The following CSMD1 variants were observed in gnomAD, a reference collection of about 807,000 sequenced individuals.
The protein encoded by CSMD1 is CUB and sushi domain-containing protein 1.
In CSMD1, 213 loss-of-function variants were observed where a neutral mutation model predicts 417.5. The ratio of observed to expected loss-of-function variants is 0.51; its 90% CI spans 0.46 to 0.57. The LOEUF (loss-of-function observed/expected upper bound fraction) is 0.57, where lower values mean the gene tolerates loss of function less well. Among genes scored for constraint, CSMD1 ranks in the 20% least tolerant of loss-of-function variants. The probability of loss-of-function intolerance (pLI) is 0.00; values close to 1 mark genes in which losing one functional copy is unlikely to be tolerated. For synonymous variants in CSMD1, 2,862 were observed against 1,736.8 expected (o/e 1.65, Z -16.11); for missense variants, 6,923 against 4,529.7 (o/e 1.53, Z -15.17).
intron 5 of CSMD1, among the ~76,000 whole-genome samples, chr8:3,755,880 G>C (rs540616211): frequency 2.0e-5 from 3 of 152,012 alleles, no homozygotes; most frequent in Admixed American, 2.0e-4. Flanking sequence ...GCTGGTGACA[G>C]CTGGACACAG....
At chr8:4,584,056 C>G (rs113819318) in intron 2 of CSMD1, among the ~76,000 whole-genome samples, 8,844 of 151,952 alleles carry the variant, frequency 0.058, 299 homozygotes, top group East Asian at 0.1. Flanking sequence ...CTACGAAGGT[C>G]TGCAGTTTCA....
chr8:3,200,531 G>A (rs929427087), intron 32 of CSMD1, among the ~76,000 whole-genome samples: 4 of 151,000 alleles, frequency 2.6e-5, no homozygotes, highest in Admixed American at 6.6e-5. Context: ...CTCTAGCCTG[G>A]GCAAGAGAGT....
intron 37 of CSMD1, among the ~76,000 whole-genome samples, chr8:3,164,120 A>G (rs915402892): frequency 2.6e-5 from 4 of 152,144 alleles, no homozygotes; most frequent in African/African-American, 7.2e-5. Flanking sequence ...AAATGGAGAG[A>G]GAGAAGTGTC....
At chr8:4,701,435 G>C (rs1479616439) in intron 1 of CSMD1, among the ~76,000 whole-genome samples, 3 of 151,786 alleles carry the variant, frequency 2.0e-5, no homozygotes, top group South Asian at 2.1e-4. Flanking sequence ...ACCACAGCTG[G>C]AGAGTCTGAT....
chr8:3,372,583 G>A (rs1810032362), intron 18 of CSMD1, among the ~76,000 whole-genome samples: 1 of 152,112 alleles, frequency 6.6e-6, no homozygotes, highest in African/African-American at 2.4e-5. Flanking sequence ...AATGGGATAT[G>A]GGCATTACGA....
intron 6 of CSMD1, among the ~76,000 whole-genome samples, chr8:3,733,007 G>A (rs1398473539): frequency 6.6e-6 from 1 of 151,882 alleles, no homozygotes; most frequent in East Asian, 1.9e-4. Flanking sequence ...AAAGATACGT[G>A]TGCCCTGATC....
intron 5 of CSMD1, among the ~76,000 whole-genome samples, chr8:3,898,857 T>C (rs533174012): frequency 3.7e-4 from 57 of 152,334 alleles, no homozygotes; most frequent in African/African-American, 9.1e-4. Context: ...ACATAGCTGA[T>C]AGCCCCAATA....
chr8:3,638,873 G>C (rs1025349743), intron 7 of CSMD1, among the ~76,000 whole-genome samples: 1 of 152,054 alleles, frequency 6.6e-6, no homozygotes, highest in Non-Finnish European at 1.5e-5. Context: ...AAAACTACAA[G>C]AAAAATGGGG....
chr8:3,755,589 G>T (rs533300541), intron 5 of CSMD1, among the ~76,000 whole-genome samples: 1 of 152,068 alleles, frequency 6.6e-6, no homozygotes, highest in Admixed American at 6.5e-5. Context: ...CTACACAGAC[G>T]ATTTCCTACG....
chr8:3,939,190 G>T (rs1054815966), intron 5 of CSMD1, among the ~76,000 whole-genome samples: 1 of 151,910 alleles, frequency 6.6e-6, no homozygotes, highest in Non-Finnish European at 1.5e-5. Context: ...GACTGTATAA[G>T]AGAACCCAAC....
At chr8:2,965,691 TA>T in intron 59 of CSMD1, 83 bp downstream of exon 59, 3 of 1,291,684 alleles carry the variant, frequency 2.3e-6, no homozygotes, top group Non-Finnish European at 3.2e-6. Flanking sequence ...AAGGGCTACA[TA>T]AATGCTTGCA....
intron 3 of CSMD1, among the ~76,000 whole-genome samples, chr8:4,161,020 G>C (rs1797126216): frequency 6.6e-6 from 1 of 151,912 alleles, no homozygotes; most frequent in Non-Finnish European, 1.5e-5. Flanking sequence ...CTTCTGGTTT[G>C]CATTAAATCA....
chr8:4,333,484 G>A (rs1799990256), intron 3 of CSMD1, among the ~76,000 whole-genome samples: 1 of 152,082 alleles, frequency 6.6e-6, no homozygotes, highest in Non-Finnish European at 1.5e-5. Flanking sequence ...AATTATATTA[G>A]TATGATTATG....
intron 5 of CSMD1, among the ~76,000 whole-genome samples, chr8:3,933,098 C>T (rs1323019336): frequency 1.3e-5 from 2 of 148,566 alleles, no homozygotes; most frequent in Non-Finnish European, 3.0e-5. Context: ...ACATTATTTT[C>T]CTCTTTATAT....
At chr8:3,659,641 G>A (rs1436317978) in intron 7 of CSMD1, among the ~76,000 whole-genome samples, 1 of 152,096 alleles carries the variant, frequency 6.6e-6, no homozygotes, top group Non-Finnish European at 1.5e-5. Flanking sequence ...GTGGTGATGT[G>A]GCAAAGCAGA....
chr8:4,234,065 A>G (rs1026119381), intron 3 of CSMD1, among the ~76,000 whole-genome samples: 1 of 152,166 alleles, frequency 6.6e-6, no homozygotes, highest in African/African-American at 2.4e-5. Flanking sequence ...TAAGTCAACC[A>G]TTAACCCCTG....
At chr8:3,712,923 C>G (rs1265556439) in intron 6 of CSMD1, among the ~76,000 whole-genome samples, 1 of 152,066 alleles carries the variant, frequency 6.6e-6, no homozygotes, top group Non-Finnish European at 1.5e-5. Flanking sequence ...CAAGAGATCC[C>G]TGATACATCA....
intron 3 of CSMD1, among the ~76,000 whole-genome samples, chr8:4,105,248 G>A (rs540132952): frequency 1.3e-5 from 2 of 152,018 alleles, no homozygotes; most frequent in Non-Finnish European, 1.5e-5. Flanking sequence ...CCTAAATATT[G>A]ATCAACGGCC....
intron 3 of CSMD1, among the ~76,000 whole-genome samples, chr8:4,045,732 T>C (rs183869895): frequency 6.6e-6 from 1 of 152,298 alleles, no homozygotes; most frequent in Non-Finnish European, 1.5e-5. Context: ...AAATAAAACG[T>C]GTGAACACCA....
Sources: gnomAD v4.1 joint callset for allele counts (sites outside exome capture counted in the v4.1 genomes callset) on GRCh38, gnomAD v4.1.1 for gene constraint, MANE v1.5 for transcripts, NCBI Gene and HGNC (gene_info 2026-07-23, HGNC 2026-07-21) for gene names.